The following STAG2 variants were observed in gnomAD, a reference collection of about 807,000 sequenced individuals.
STAG2 encodes the protein STAG2 cohesin complex component.
Under a neutral mutation model 108.1 loss-of-function variants are expected in STAG2, and 14 were observed. The observed-to-expected ratio is 0.13, with a 90% CI of 0.09 to 0.20. The LOEUF is 0.20. STAG2 is among the 10% of genes least tolerant of loss of function. The pLI is 1.00. For missense variants in STAG2, 440 were observed against 940.9 expected (o/e 0.47, Z 6.96); for synonymous variants, 307 against 302.7 (o/e 1.01, Z -0.15).
intron 1 of STAG2, among the ~76,000 whole-genome samples, chrX:124,006,337 G>A (rs905173961): frequency 3.6e-5 from 4 of 111,421 alleles, no homozygotes; most frequent in Non-Finnish European, 5.6e-5. Flanking sequence ...TTAAAGAAAC[G>A]TCTAAGCTCT....
At chrX:124,041,215 A>G (rs1483788994) in intron 6 of STAG2, among the ~76,000 whole-genome samples, 1 of 102,872 alleles carries the variant, frequency 9.7e-6, no homozygotes, top group African/African-American at 3.8e-5. Context: ...TTTTAAAACA[A>G]TCATTTTTTT....
intron 13 of STAG2, among the ~76,000 whole-genome samples, chrX:124,055,777 G>A (rs1332502521): frequency 1.8e-5 from 2 of 111,939 alleles, no homozygotes; most frequent in East Asian, 5.6e-4. Flanking sequence ...TATAAGGAAA[G>A]TATTATATTA....
At chrX:124,006,202 A>G (rs1233798681) in intron 1 of STAG2, among the ~76,000 whole-genome samples, 1 of 111,231 alleles carries the variant, frequency 9.0e-6, no homozygotes, top group African/African-American at 3.3e-5. Context: ...TGTTTTGGCT[A>G]TTACAAACAA....
chrX:124,023,316 A>G (rs780423684), intron 3 of STAG2, among the ~76,000 whole-genome samples: 3 of 109,259 alleles, frequency 2.7e-5, no homozygotes, highest in Admixed American at 9.9e-5. Flanking sequence ...CACCCCCACC[A>G]CTGTATTTTT....
chrX:124,095,072 C>T (rs767918497), intron 33 of STAG2, among the ~76,000 whole-genome samples: 5 of 110,787 alleles, frequency 4.5e-5, no homozygotes, highest in African/African-American at 1.3e-4. Context: ...GGACTGCAGG[C>T]GCCCGCAACC....
At position 124,056,983 on chromosome X, in the gene STAG2, G is replaced by C. The variant is rs892867063; in HGVS notation, c.1304+748G>C. Among the ~76,000 whole-genome samples the C allele has an allele frequency of 5.5e-5, 6 of 108,497 alleles. No homozygotes were observed. The East Asian group carries it at 1.7e-3, about 32-fold the overall frequency. 94.2% of individuals were successfully genotyped at this position (108,497 alleles called of 115,157 possible). On this transcript the variant is annotated intron_variant, in intron 14 of 34. Transcript: ENST00000371145. ...TCTCAGCTCACTGTAACCAACCTCT[G>C]CCTCCTGGGTTCAGGTGCTTCTCAT... is the stretch of plus-strand genomic sequence containing the variant.
chrX:124,045,331 A>C lies in STAG2; in HGVS notation c.630A>C (p.Ser210=), dbSNP rs1250361966. 4.1e-6 allele frequency: 5 copies of C among 1,210,157 alleles called. 1 individual carries two copies. In the South Asian group the frequency reaches 8.8e-5, roughly 21 times the overall value. The change falls in exon 8 of 35, where the codon TCA becomes TCC. Residue 210 remains serine, a synonymous_variant. Coordinates refer to ENST00000371145, the MANE Select transcript of STAG2 (RefSeq NM_001042750.2). ...VISLLTGLSD[S]QVRAFRHTST... Reference sequence around the variant, plus strand: ...CACTTCTTACAGGATTGTCTGACTCACAAGTCAGAGCATTTCGACATACAA... The same window carrying C: ...CACTTCTTACAGGATTGTCTGACTCCCAAGTCAGAGCATTTCGACATACAA...
rs775919942 is a variant in STAG2, at chrX:123,984,265, A to G, written c.-163+22409A>G. Among the ~76,000 whole-genome samples the G allele has an allele frequency of 4.5e-5, 5 of 111,198 alleles. No homozygotes were observed. In the East Asian group the frequency reaches 1.4e-3, roughly 31 times the overall value. ...AGTGCTGGGATTACAGGCATGAAGCATCATGCCCGGCCAAAAGAATAATTT... is the reference window on the plus strand; with the variant it reads ...AGTGCTGGGATTACAGGCATGAAGCGTCATGCCCGGCCAAAAGAATAATTT... On this transcript the variant is annotated intron_variant, in intron 1 of 34. Coordinates refer to ENST00000371145, the MANE Select transcript of STAG2 (RefSeq NM_001042750.2).
chrX:123,978,513 A>G (rs908306700), intron 1 of STAG2, among the ~76,000 whole-genome samples: 5 of 111,470 alleles, frequency 4.5e-5, no homozygotes, highest in African/African-American at 1.6e-4. Context: ...TAAGTCCTCT[A>G]TTTAATTGTG....
At chrX:123,991,598 C>G (rs1460496889) in intron 1 of STAG2, among the ~76,000 whole-genome samples, 1 of 111,527 alleles carries the variant, frequency 9.0e-6, no homozygotes, top group African/African-American at 3.3e-5. Context: ...GGTGATCTGC[C>G]CGCCTCTGCC....
At chrX:124,049,632 C>A (rs1419665624) in intron 10 of STAG2, among the ~76,000 whole-genome samples, 2 of 112,039 alleles carry the variant, frequency 1.8e-5, no homozygotes, top group Admixed American at 1.9e-4. Context: ...TCCATTCTTA[C>A]CTTTTCACTT....
chrX:123,966,166 A>G (rs1287793665), intron 1 of STAG2, among the ~76,000 whole-genome samples: 1 of 110,842 alleles, frequency 9.0e-6, no homozygotes, highest in Non-Finnish European at 1.9e-5. Context: ...GACATAGGCT[A>G]TTTTAAAAGT....
At chrX:124,005,365 A>G (rs1195278443) in intron 1 of STAG2, among the ~76,000 whole-genome samples, 1 of 111,489 alleles carries the variant, frequency 9.0e-6, no homozygotes, top group African/African-American at 3.3e-5. Flanking sequence ...AGGTGTAAGC[A>G]CTACCACCAC....
At chrX:124,007,113 C>G (rs895763705) in intron 1 of STAG2, among the ~76,000 whole-genome samples, 6 of 108,198 alleles carry the variant, frequency 5.5e-5, no homozygotes, top group African/African-American at 1.7e-4. Context: ...CGATCTCTCT[C>G]TCTCTCTCTC....
Position 124,061,055 on chromosome X carries a change from T to C in STAG2, c.1417-169T>C, listed in dbSNP as rs758825248. ...ATGATGCTACCTAACACGTCTTTCT[T>C]ACAGCAAGCAAACTAAGGCAGTTTC... On this transcript the variant is annotated intron_variant, in intron 15 of 34. Transcript: ENST00000371145. 3.1e-4 allele frequency among the ~76,000 whole-genome samples: 34 copies of C among 111,126 alleles called. 1 individual carries two copies. Among genetic ancestry groups the C allele is most frequent in the Non-Finnish European group, 9.4e-5 (5 of 53,087 alleles).
At chrX:123,982,297 A>G (rs2054912840) in intron 1 of STAG2, among the ~76,000 whole-genome samples, 2 of 110,864 alleles carry the variant, frequency 1.8e-5, no homozygotes, top group Non-Finnish European at 3.8e-5. Context: ...TGGTCATACC[A>G]CTGAACTCCA....
chrX:124,074,069 A>C (rs180864806), intron 25 of STAG2, among the ~76,000 whole-genome samples: 1 of 111,754 alleles, frequency 8.9e-6, no homozygotes, highest in Non-Finnish European at 1.9e-5. Flanking sequence ...ACATTTTGCA[A>C]TTTACCTTTT....
intron 34 of STAG2, among the ~76,000 whole-genome samples, chrX:124,096,224 C>T (rs1327999888): frequency 9.0e-6 from 1 of 110,869 alleles, no homozygotes; most frequent in African/African-American, 3.3e-5. Context: ...AGCTCCTCAG[C>T]CTAGCAAACA....
At chrX:124,093,077 A>G (rs2059292722) in intron 32 of STAG2, among the ~76,000 whole-genome samples, 1 of 111,582 alleles carries the variant, frequency 9.0e-6, no homozygotes. Flanking sequence ...AAAAGAAGGT[A>G]ATGTTGGCCA....
Sources: allele counts gnomAD v4.1 joint callset (sites outside exome capture counted in the v4.1 genomes callset), GRCh38; gene constraint gnomAD v4.1.1; transcripts MANE v1.5; gene names NCBI Gene and HGNC (gene_info 2026-07-23, HGNC 2026-07-21).